Variants in TECPR2 observed in about 807,000 individuals in gnomAD.
The protein encoded by TECPR2 is tectonin beta-propeller repeat containing 2.
TECPR2 carries 65 observed loss-of-function variants against 138.1 expected under a neutral mutation model. That is an observed-to-expected ratio of 0.47 (90% CI 0.39 to 0.58). The LOEUF (loss-of-function observed/expected upper bound fraction) is 0.58, where lower values mean the gene tolerates loss of function less well. TECPR2 is among the 20% of genes least tolerant of loss of function. TECPR2 has a pLI of 0.00. For synonymous variants in TECPR2, 746 were observed against 749.8 expected (o/e 0.99, Z 0.08); for missense variants, 1,553 against 1,824.5 (o/e 0.85, Z 2.71).
intron 2 of TECPR2, among the ~76,000 whole-genome samples, chr14:102,399,693 G>T (rs980730151): frequency 6.6e-6 from 1 of 152,006 alleles, no homozygotes; most frequent in African/African-American, 2.4e-5. Context: ...CCTAAGTGTG[G>T]TGGCTTGTGC....
intron 19 of TECPR2, 66 bp from the exon 20 acceptor site, chr14:102,498,037 C>CTCCATCTGTGCCCAAGCTCCCAGA: frequency 1.3e-6 from 2 of 1,572,048 alleles, no homozygotes; most frequent in Non-Finnish European, 1.7e-6. Context: ...AAGCTCCCAG[C>CTCCATCTGTGCCCAAGCTCCCAGA]TCCATCTGTG....
At position 102,434,483 on chromosome 14, in the gene TECPR2, A is replaced by T. The variant is rs201791953; in HGVS notation, c.1666A>T (p.Met556Leu). Reference protein sequence around the residue: ...TFNVLEVSGSMPDSLAEEDDI... With the variant: ...TFNVLEVSGSLPDSLAEEDDI... Reference sequence around the variant, plus strand: ...TAATGTCCTGGAGGTGTCAGGATCAATGCCTGATTCTCTGGCTGAGGAAGA... The same window carrying T: ...TAATGTCCTGGAGGTGTCAGGATCATTGCCTGATTCTCTGGCTGAGGAAGA... The change falls in exon 9 of 20, where the codon ATG (methionine) becomes TTG (leucine). Residue 556 changes from methionine to leucine, a missense_variant. Met to Leu is a conservative substitution (Grantham distance 15, BLOSUM62 2). Coordinates refer to ENST00000359520, the MANE Select transcript of TECPR2 (RefSeq NM_014844.5). The T allele has an allele frequency of 2.4e-5, 37 of 1,561,266 alleles. No homozygotes were observed. In the East Asian group the frequency reaches 8.1e-4, roughly 34 times the overall value.
intron 2 of TECPR2, among the ~76,000 whole-genome samples, chr14:102,388,683 C>T (rs977225910): frequency 1.1e-4 from 17 of 152,136 alleles, no homozygotes; most frequent in African/African-American, 4.1e-4. Flanking sequence ...AAAAAAAAGG[C>T]CGGGTGCGGT....
In TECPR2 at chr14:102,407,511, C is replaced by G. The variant is rs376118568; in HGVS notation, c.348+45C>G. On this transcript the variant is annotated intron_variant, in intron 3 of 19. Coordinates refer to ENST00000359520, the MANE Select transcript of TECPR2 (RefSeq NM_014844.5). ...ACACGTGTTAACTTCTTGGCACATT[C>G]CTCATGGATTTTTAAAATTAGAAAT... is the stretch of plus-strand genomic sequence containing the variant. 18 of 1,538,852 alleles carry G rather than the reference C, an allele frequency of 1.2e-5. No individual in the cohort carries two copies. In the South Asian group the frequency reaches 2.2e-4, roughly 19 times the overall value.
chr14:102,498,285 G>A lies in TECPR2; in HGVS notation c.*28G>A. 2 of 1,586,440 alleles carry A rather than the reference G, an allele frequency of 1.3e-6. No individual in the cohort carries two copies. The highest frequency in any genetic ancestry group is 1.1e-5 in the South Asian group (1 of 89,454). The stretch of plus-strand genomic sequence containing the variant: ...GAGCCCTGGCCGAGTCACGCGGAGG[G>A]GCCCGGCGTCTGTGGCGGGCACAGG... On this transcript the variant is annotated 3_prime_UTR_variant, in exon 20 of 20. Coordinates refer to ENST00000359520, the MANE Select transcript of TECPR2 (RefSeq NM_014844.5).
chr14:102,470,200 G>A (rs961314140), intron 17 of TECPR2, among the ~76,000 whole-genome samples: 6 of 151,960 alleles, frequency 3.9e-5, no homozygotes, highest in Non-Finnish European at 7.4e-5. Flanking sequence ...GTTAGAATTC[G>A]TCATCCCATC....
chr14:102,379,699 ATC>A (rs1256873604), intron 2 of TECPR2, among the ~76,000 whole-genome samples: 2,611 of 140,140 alleles, frequency 0.019, 128 homozygotes, highest in Non-Finnish European at 0.03. Flanking sequence ...ACTGCTGAAG[ATC>A]ACCATCTTAA....
At chr14:102,475,619 C>T (rs188131854) in intron 17 of TECPR2, among the ~76,000 whole-genome samples, 101 of 152,262 alleles carry the variant, frequency 6.6e-4, no homozygotes, top group Non-Finnish European at 1.1e-3. Flanking sequence ...CAAACTGTTT[C>T]AGAGTAACTT....
chr14:102,495,558 G>A (rs952991807), intron 17 of TECPR2, among the ~76,000 whole-genome samples: 1 of 152,248 alleles, frequency 6.6e-6, no homozygotes, highest in African/African-American at 2.4e-5. Flanking sequence ...AGGGCTGGGT[G>A]GGGAGGCCGG....
chr14:102,486,235 G>A (rs1327803726), intron 17 of TECPR2, among the ~76,000 whole-genome samples: 1 of 152,114 alleles, frequency 6.6e-6, no homozygotes, highest in African/African-American at 2.4e-5. Flanking sequence ...GTTTCTGTCT[G>A]GAGCCCTGCT....
intron 1 of TECPR2, among the ~76,000 whole-genome samples, chr14:102,375,786 A>G (rs1887626859): frequency 6.6e-6 from 1 of 152,186 alleles, no homozygotes; most frequent in Non-Finnish European, 1.5e-5. Context: ...TCAAGAGCCT[A>G]GGACTTGGAG....
chr14:102,449,844 C>G lies in TECPR2; in HGVS notation c.3291C>G (p.Phe1097Leu). ...GGATCTCCTCGGGCAAGAATGAATT[C>G]CACGTCGCTAAGGGAAGTCTCATAG... Reference protein sequence around the residue: ...GVWISSGKNEFHVAKGSLIGT... With the variant: ...GVWISSGKNELHVAKGSLIGT... Residue 1097 changes from phenylalanine (F) to leucine (L), a missense_variant, in exon 14 of 20, where the codon TTC becomes TTG. Transcript: ENST00000359520. 6.2e-7 allele frequency: 1 copy of G among 1,613,898 alleles called. No individual in the cohort carries two copies. The highest frequency in any genetic ancestry group is 8.5e-7 in the Non-Finnish European group (1 of 1,180,026).
intron 17 of TECPR2, among the ~76,000 whole-genome samples, chr14:102,469,825 A>G (rs1398401771): frequency 1.3e-5 from 2 of 152,030 alleles, no homozygotes; most frequent in African/African-American, 4.8e-5. Context: ...GTTTTGTCAA[A>G]TGCTTTTTCT....
At chr14:102,371,136 A>G (rs1405539073) in intron 1 of TECPR2, among the ~76,000 whole-genome samples, 2 of 152,148 alleles carry the variant, frequency 1.3e-5, no homozygotes, top group Admixed American at 6.5e-5. Flanking sequence ...TCACTTCAGT[A>G]TCATTAGCCA....
intron 17 of TECPR2, among the ~76,000 whole-genome samples, chr14:102,481,182 T>C (rs542185675): frequency 7.9e-5 from 12 of 152,186 alleles, no homozygotes; most frequent in African/African-American, 2.9e-4. Flanking sequence ...ATTTGTATTT[T>C]TAGTAGAGAC....
At chr14:102,450,536 A>G (rs1890110699) in intron 14 of TECPR2, 24 bp from the exon 15 acceptor site, 3 of 1,612,220 alleles carry the variant, frequency 1.9e-6, no homozygotes, top group South Asian at 2.2e-5. Flanking sequence ...TCTTTAACAC[A>G]TTCTTCCTAT....
chr14:102,444,886 A>G (rs983103171), intron 12 of TECPR2, among the ~76,000 whole-genome samples: 4 of 152,204 alleles, frequency 2.6e-5, no homozygotes, highest in African/African-American at 9.6e-5. Context: ...CGGAAGTTGC[A>G]GAGAGCTGAG....
intron 2 of TECPR2, among the ~76,000 whole-genome samples, chr14:102,385,458 AGGACTGTGACAT>A: frequency 6.6e-6 from 1 of 151,332 alleles, no homozygotes; most frequent in East Asian, 1.9e-4. Context: ...TGAGCTTTGA[AGGACTGTGACAT>A]GGTAGAACAG....
At chr14:102,439,224 T>C (rs760617298) in intron 10 of TECPR2, among the ~76,000 whole-genome samples, 7 of 152,072 alleles carry the variant, frequency 4.6e-5, no homozygotes, top group Non-Finnish European at 1.0e-4. Context: ...TGGGGACACT[T>C]TTGCCTTGAA....
Sources: gnomAD v4.1 joint callset for allele counts (sites outside exome capture counted in the v4.1 genomes callset) on GRCh38, gnomAD v4.1.1 for gene constraint, MANE v1.5 for transcripts, NCBI Gene and HGNC (gene_info 2026-07-23, HGNC 2026-07-21) for gene names.